ZC3H7A: variants seen among roughly 807,000 people sequenced by gnomAD.
ZC3H7A encodes the protein zinc finger CCCH-type containing 7A.
ZC3H7A carries 44 observed loss-of-function variants against 125.5 expected under a neutral mutation model. The observed-to-expected ratio is 0.35, with a 90% CI of 0.28 to 0.45. ZC3H7A has a LOEUF of 0.45. Among genes scored for constraint, ZC3H7A ranks in the 20% least tolerant of loss-of-function variants. ZC3H7A has a pLI of 1.00. For missense variants in ZC3H7A, 977 were observed against 1,170.7 expected, an observed-to-expected ratio of 0.83 and a Z score of 2.41; for synonymous variants, 399 against 391.2, an observed-to-expected ratio of 1.02 and a Z score of -0.23.
At position 11,770,906 on chromosome 16, in the gene ZC3H7A, A is replaced by C; in HGVS notation, c.985T>G (p.Leu329Val). The change falls in exon 10 of 23, where the codon TTA becomes GTA. Residue 329 changes from leucine (L) to valine (V), a missense_variant. Leu to Val is a conservative substitution (Grantham distance 32). Transcript: ENST00000355758. ...GGAGCATACCTCGCACCAATGGGTA[A>C]GGTTCCTAACAGCGATGCCGAAAAG... ...MPFSASLLGT[L>V]PIGARYAPPP... 6.2e-7 allele frequency: 1 copy of C among 1,614,218 alleles called. No individual in the cohort carries two copies. Among genetic ancestry groups the C allele is most frequent in the Non-Finnish European group, 8.5e-7 (1 of 1,180,036 alleles).
intron 12 of ZC3H7A, 80 bp downstream of exon 12, chr16:11,768,235 A>T: frequency 7.8e-7 from 1 of 1,276,040 alleles, no homozygotes; most frequent in Non-Finnish European, 1.0e-6. Flanking sequence ...TGTTGTTAAC[A>T]TGTATTTACA....
intron 10 of ZC3H7A, among the ~76,000 whole-genome samples, chr16:11,769,866 T>C (rs1290761610): frequency 8.6e-5 from 12 of 139,160 alleles, no homozygotes; most frequent in Non-Finnish European, 1.8e-4. Flanking sequence ...CTTGGCTCAC[T>C]GCAGCCTCAA....
rs529124830 is a variant in ZC3H7A, at chr16:11,769,710, C to CAAAAAAAAAAAAAA, written c.1109-629_1109-616dup. 4.6e-4 allele frequency among the ~76,000 whole-genome samples: 15 copies of CAAAAAAAAAAAAAA among 32,552 alleles called. 1 individual carries two copies. Among genetic ancestry groups the CAAAAAAAAAAAAAA allele is most frequent in the African/African-American group, 2.1e-3 (11 of 5,328 alleles). 21.4% of individuals were successfully genotyped at this position (32,552 alleles called of 152,430 possible). On this transcript the variant is annotated intron_variant, in intron 10 of 22. Transcript: ENST00000355758. ...TGGGCAACAGAGTGAGACTCTGTCT[C>CAAAAAAAAAAAAAA]AAAAAAAAAAAAAAAAAAAGCAGGA... is the stretch of plus-strand genomic sequence containing the variant.
rs940661434 is a variant in ZC3H7A at position 11,774,232 on chromosome 16, T to C, written c.903+4A>G. 2 of 1,557,486 alleles carry C rather than the reference T, an allele frequency of 1.3e-6. No individual in the cohort carries two copies. Among genetic ancestry groups the C allele is most frequent in the South Asian group, 1.2e-5 (1 of 81,502 alleles). On this transcript the variant is annotated splice_donor_region_variant and intron_variant, in intron 9 of 22. Transcript: ENST00000355758. ...GAAGAAACTTGAGTAACACTGAAAC[T>C]TACCATAACAGTTTCATTAGTTTCA...
chr16:11,765,178 C>CA lies in ZC3H7A; in HGVS notation c.1720-26dup, dbSNP rs766982591. On this transcript the variant is annotated intron_variant, in intron 14 of 22. Transcript: ENST00000355758. The surrounding 1 kb of genome is among the most constrained non-coding windows in gnomAD (Gnocchi z 4.8). ...TCTGGAATAGAGAGAGAAAGATTAT[C>CA]AAAAAAAATACAAAATATAAATTTT... 43 of 1,371,290 alleles carry CA rather than the reference C, an allele frequency of 3.1e-5. No homozygotes were observed. Among genetic ancestry groups the CA allele is most frequent in the South Asian group, 1.1e-4 (8 of 73,092 alleles). The allele number at this position is 1,371,290 out of a possible 1,614,324, so 84.9% of individuals were successfully genotyped here. A position where few individuals can be genotyped will look rare whatever the true frequency, so the allele number is the denominator to read the frequency against.
At chr16:11,762,634 G>C in intron 17 of ZC3H7A, 37 bp downstream of exon 17, 11 of 1,597,268 alleles carry the variant, frequency 6.9e-6, no homozygotes, top group Non-Finnish European at 7.7e-6. Flanking sequence ...ATTCCAGAAA[G>C]GACACCAAAT....
In ZC3H7A at chr16:11,752,851, A is replaced by G. The variant is rs565695947; in HGVS notation, c.2563-19T>C. On this transcript the variant is annotated intron_variant, in intron 21 of 22. Transcript: ENST00000355758. ...AGTCCACCTAATGTGCAGCAAAGAC[A>G]CATGTCCCATTAGTCACCTGATGTG... 1 of 1,607,962 alleles carries G rather than the reference A, an allele frequency of 6.2e-7. No individual in the cohort carries two copies. Among genetic ancestry groups the G allele is most frequent in the African/African-American group, 1.3e-5 (1 of 74,680 alleles).
rs529489865 is a variant in ZC3H7A at position 11,776,659 on chromosome 16, T to G, written c.465+92A>C. ...AGCATTTATACCCAACTGAAGCAGG[T>G]TGATGGATGACTGGAAAATTTAACT... On this transcript the variant is annotated intron_variant, in intron 5 of 22. Transcript: ENST00000355758. 1.3e-5 allele frequency: 20 copies of G among 1,517,270 alleles called. 1 individual carries two copies. The South Asian group carries it at 2.4e-4, about 18-fold the overall frequency. 94.0% of individuals were successfully genotyped at this position (1,517,270 alleles called of 1,614,324 possible). A position where few individuals can be genotyped will look rare whatever the true frequency, so the allele number is the denominator to read the frequency against.
chr16:11,758,001 G>A lies in ZC3H7A; in HGVS notation c.2428+430C>T, dbSNP rs538922066. On this transcript the variant is annotated intron_variant, in intron 20 of 22. Transcript: ENST00000355758. ...TGACCAAAATAAACATTCTTTCCTTGGACCTCTGATTCTGAGCCTGTTTGA... is the reference window on the plus strand; with the variant it reads ...TGACCAAAATAAACATTCTTTCCTTAGACCTCTGATTCTGAGCCTGTTTGA... Among the ~76,000 whole-genome samples, 15 of 152,266 alleles carry A rather than the reference G, an allele frequency of 9.9e-5. 1 individual carries two copies. The South Asian group carries it at 2.9e-3, about 29-fold the overall frequency.
chr16:11,777,690 C>T (rs866880360), intron 4 of ZC3H7A, among the ~76,000 whole-genome samples: 4 of 152,012 alleles, frequency 2.6e-5, no homozygotes, highest in South Asian at 4.1e-4. Context: ...CACTGCATTA[C>T]AGCCTGGGCA....
Position 11,790,354 on chromosome 16 carries a change from T to C in ZC3H7A, c.-35+6770A>G, listed in dbSNP as rs144368480. On this transcript the variant is annotated intron_variant, in intron 1 of 22. Coordinates refer to ENST00000355758, the MANE Select transcript of ZC3H7A (RefSeq NM_014153.4). ...AAATTTAAGAATCATCTGTACTTCC[T>C]TGTCTGTGAATTGTTTGCTCATACC... 3.7e-4 allele frequency among the ~76,000 whole-genome samples: 57 copies of C among 152,354 alleles called. 1 individual carries two copies. The East Asian group carries it at 0.011, about 28-fold the overall frequency.
In ZC3H7A at chr16:11,776,356, G is replaced by T; in HGVS notation, c.549C>A (p.Leu183=). Residue 183 remains leucine (L), a splice_region_variant and synonymous_variant, in exon 7 of 23, where the codon CTC becomes CTA. Transcript: ENST00000355758. ...KIRKAYVRAE[L]SLKSVPGDGA... ...CATCCCCAGGAACTGATTTTAATGA[G>T]AGCTGAAATAAAATAAAGACACTAA... is the stretch of plus-strand genomic sequence containing the variant. The T allele has an allele frequency of 6.2e-7, 1 of 1,608,382 alleles. No individual in the cohort carries two copies. Among genetic ancestry groups the T allele is most frequent in the South Asian group, 1.1e-5 (1 of 88,680 alleles).
intron 18 of ZC3H7A, 152 bp downstream of exon 18, chr16:11,761,757 TA>T: frequency 8.9e-7 from 1 of 1,123,092 alleles, no homozygotes; most frequent in Non-Finnish European, 1.2e-6. Context: ...TACTAGGTCC[TA>T]AAAATCTCTT....
At chr16:11,764,557 T>C (rs1241692858) in intron 15 of ZC3H7A, among the ~76,000 whole-genome samples, 1 of 150,402 alleles carries the variant, frequency 6.6e-6, no homozygotes, top group African/African-American at 2.4e-5. Flanking sequence ...TCAAAAAAAT[T>C]AAAAAATACA....
At chr16:11,790,552 T>C (rs553776228) in intron 1 of ZC3H7A, among the ~76,000 whole-genome samples, 8 of 152,310 alleles carry the variant, frequency 5.3e-5, no homozygotes, top group African/African-American at 1.9e-4. Context: ...TTATTATTGT[T>C]GTTTGAGACG....
At chr16:11,773,164 T>C (rs1286901163) in intron 9 of ZC3H7A, among the ~76,000 whole-genome samples, 1 of 151,808 alleles carries the variant, frequency 6.6e-6, no homozygotes, top group Non-Finnish European at 1.5e-5. Context: ...GACCCAGAAA[T>C]TGGAATGTCA....
rs1009482607 is a variant in ZC3H7A, at chr16:11,772,067, G to A, written c.904-1080C>T. 1.1e-4 allele frequency among the ~76,000 whole-genome samples: 17 copies of A among 151,930 alleles called. No individual in the cohort carries two copies. The South Asian group carries it at 2.3e-3, about 20-fold the overall frequency. ...AAAAATTAGCCGGGCGTGGTAGCGG[G>A]CACCTGTAATCTCAGCTACTCGGGA... On this transcript the variant is annotated intron_variant, in intron 9 of 22. Coordinates refer to ENST00000355758, the MANE Select transcript of ZC3H7A (RefSeq NM_014153.4).
At chr16:11,756,586 A>G (rs1307280117) in intron 20 of ZC3H7A, among the ~76,000 whole-genome samples, 1 of 152,206 alleles carries the variant, frequency 6.6e-6, no homozygotes, top group Non-Finnish European at 1.5e-5. Context: ...GATGGCAAAT[A>G]TTAGTTCTCA....
At chr16:11,751,559 G>T in intron 22 of ZC3H7A, 53 bp from the exon 23 acceptor site, 1 of 1,539,784 alleles carries the variant, frequency 6.5e-7, no homozygotes. Flanking sequence ...TCTAAAAATC[G>T]TGTCATGATT....
Sources: gnomAD v4.1 joint callset for allele counts (sites outside exome capture counted in the v4.1 genomes callset) on GRCh38, gnomAD v4.1.1 for gene constraint, Gnocchi (gnomAD v3.1) non-coding constraint, MANE v1.5 for transcripts, NCBI Gene and HGNC (gene_info 2026-07-23, HGNC 2026-07-21) for gene names.